The following SPON1 variants were observed in gnomAD, a reference collection of about 807,000 sequenced individuals.
SPON1 encodes spondin-1.
Under a neutral mutation model 111.7 loss-of-function variants are expected in SPON1, and 52 were observed. The ratio of observed to expected loss-of-function variants is 0.47; its 90% CI spans 0.37 to 0.59. SPON1 has a LOEUF of 0.59. SPON1 is among the 20% of genes least tolerant of loss of function. The pLI, the probability that SPON1 is intolerant of heterozygous loss-of-function variation, is 0.00. For missense variants in SPON1, 957 were observed against 1,068.5 expected (o/e 0.90, Z 1.46); for synonymous variants, 410 against 395.8 (o/e 1.04, Z -0.43).
At chr11:14,070,300 G>A (rs1848865235) in intron 3 of SPON1, among the ~76,000 whole-genome samples, 1 of 152,104 alleles carries the variant, frequency 6.6e-6, no homozygotes, top group East Asian at 1.9e-4. Flanking sequence ...GATTTTACTG[G>A]AATTGGGAAG....
At chr11:14,139,728 A>ATATATATATATATATATAT (rs1564913661) in intron 6 of SPON1, among the ~76,000 whole-genome samples, 1 of 151,118 alleles carries the variant, frequency 6.6e-6, no homozygotes, top group African/African-American at 2.4e-5. Context: ...ATATATATTT[A>ATATATATATATATATATAT]AGTGAAAAGA....
chr11:14,242,770 C>G (rs1554939814), intron 6 of SPON1, among the ~76,000 whole-genome samples: 1 of 152,208 alleles, frequency 6.6e-6, no homozygotes, highest in African/African-American at 2.4e-5. Flanking sequence ...CCATCCAAAG[C>G]AAAACAGAGC....
At chr11:14,008,009 CT>C (rs1333700095) in intron 2 of SPON1, among the ~76,000 whole-genome samples, 1 of 152,180 alleles carries the variant, frequency 6.6e-6, no homozygotes, top group Non-Finnish European at 1.5e-5. Flanking sequence ...TAAATCATAT[CT>C]TTTGCCATAT....
intron 2 of SPON1, among the ~76,000 whole-genome samples, chr11:13,983,623 C>T (rs1168205186): frequency 6.6e-6 from 1 of 152,180 alleles, no homozygotes; most frequent in East Asian, 1.9e-4. Context: ...GTGGAATATT[C>T]TTCCAAGGGA....
intron 6 of SPON1, among the ~76,000 whole-genome samples, chr11:14,214,774 A>G (rs902848410): frequency 6.6e-6 from 1 of 152,242 alleles, no homozygotes; most frequent in African/African-American, 2.4e-5. Context: ...TGGCAAATTT[A>G]TTAATGAAGT....
At chr11:14,187,079 T>C (rs1033888346) in intron 6 of SPON1, among the ~76,000 whole-genome samples, 1 of 152,102 alleles carries the variant, frequency 6.6e-6, no homozygotes, top group African/African-American at 2.4e-5. Flanking sequence ...CTCAGGAAGC[T>C]TTTACTCATG....
chr11:14,129,248 C>T (rs1196222009), intron 5 of SPON1, among the ~76,000 whole-genome samples: 5 of 152,110 alleles, frequency 3.3e-5, no homozygotes, highest in Admixed American at 3.3e-4. Context: ...AACATAAGTT[C>T]CAATTTCAGA....
intron 6 of SPON1, among the ~76,000 whole-genome samples, chr11:14,218,250 C>A (rs529892946): frequency 2.7e-4 from 41 of 152,256 alleles, no homozygotes; most frequent in African/African-American, 9.4e-4. Flanking sequence ...AAATATCATA[C>A]CTCCTTCTCC....
At chr11:14,104,842 A>G (rs995312115) in intron 5 of SPON1, among the ~76,000 whole-genome samples, 12 of 152,146 alleles carry the variant, frequency 7.9e-5, no homozygotes, top group African/African-American at 2.4e-4. Flanking sequence ...CTGAAAATTC[A>G]TGAACATCTT....
intron 5 of SPON1, among the ~76,000 whole-genome samples, chr11:14,123,140 C>T (rs1392780806): frequency 6.6e-6 from 1 of 151,950 alleles, no homozygotes; most frequent in Non-Finnish European, 1.5e-5. Flanking sequence ...ACTATGTTGC[C>T]CAGGTTGATC....
chr11:14,060,440 A>C (rs1848782882), intron 3 of SPON1, among the ~76,000 whole-genome samples: 1 of 152,220 alleles, frequency 6.6e-6, no homozygotes, highest in African/African-American at 2.4e-5. Flanking sequence ...ATCCTGGACT[A>C]CCTCTTAACA....
At position 14,257,712 on chromosome 11, in the gene SPON1, C is replaced by G; in HGVS notation, c.1310-4C>G. 6.2e-7 allele frequency: 1 copy of G among 1,604,806 alleles called. No individual in the cohort carries two copies. The highest frequency in any genetic ancestry group is 1.1e-5 in the South Asian group (1 of 89,820). On this transcript the variant is annotated splice_polypyrimidine_tract_variant and splice_region_variant and intron_variant, in intron 10 of 15. Coordinates refer to ENST00000576479, the MANE Select transcript of SPON1 (RefSeq NM_006108.4). ...AGGGAAAACATGTCAAACACTCTTTCCAGATGACACCCCTGAAACCTGCAT... is the reference window on the plus strand; with the variant it reads ...AGGGAAAACATGTCAAACACTCTTTGCAGATGACACCCCTGAAACCTGCAT...
chr11:14,174,784 C>T (rs1308865047), intron 6 of SPON1, among the ~76,000 whole-genome samples: 1 of 152,116 alleles, frequency 6.6e-6, no homozygotes, highest in Non-Finnish European at 1.5e-5. Flanking sequence ...ATATCTGTAG[C>T]TTGTTTATCC....
Position 14,131,218 on chromosome 11 carries a change from G to A in SPON1, c.677-4202G>A, listed in dbSNP as rs550452290. 5.1e-4 allele frequency among the ~76,000 whole-genome samples: 78 copies of A among 152,202 alleles called. No individual in the cohort carries two copies. In the Middle Eastern group the frequency reaches 0.014, roughly 27 times the overall value. Reference sequence around the variant, plus strand: ...CACAGTGGGATGTAGGGAGATGAACGTGTGTTCTGGAGTCAGGCAGACCTG... The same window carrying A: ...CACAGTGGGATGTAGGGAGATGAACATGTGTTCTGGAGTCAGGCAGACCTG... On this transcript the variant is annotated intron_variant, in intron 5 of 15. Coordinates refer to ENST00000576479, the MANE Select transcript of SPON1 (RefSeq NM_006108.4).
intron 5 of SPON1, among the ~76,000 whole-genome samples, chr11:14,082,186 GAA>G (rs5789822): frequency 3.9e-4 from 59 of 150,400 alleles, no homozygotes; most frequent in South Asian, 1.3e-3. Flanking sequence ...GGGAGGAGGT[GAA>G]AAAAAAAAAT....
At chr11:13,990,295 T>C (rs542629240) in intron 2 of SPON1, among the ~76,000 whole-genome samples, 27 of 151,282 alleles carry the variant, frequency 1.8e-4, no homozygotes, top group African/African-American at 6.0e-4. Flanking sequence ...TTTACCATTC[T>C]GTAATGCCCT....
chr11:14,191,084 T>C (rs528558579), intron 6 of SPON1, among the ~76,000 whole-genome samples: 1 of 152,234 alleles, frequency 6.6e-6, no homozygotes, highest in Non-Finnish European at 1.5e-5. Context: ...CTCAAGTCTT[T>C]TAGCCTTGAA....
chr11:14,260,621 A>AGTG lies in SPON1; in HGVS notation c.1867_1869dup (p.Trp623dup). 1 of 1,613,890 alleles carries AGTG rather than the reference A, an allele frequency of 6.2e-7. No individual in the cohort carries two copies. Among genetic ancestry groups the AGTG allele is most frequent in the African/African-American group, 1.3e-5 (1 of 75,028 alleles). ...CCATGCTTGCTGTCCCCATGGTCCG[A>AGTG]GTGGAGTGACTGCAGCGTGACCTGC... On this transcript the variant is annotated inframe_insertion, in exon 14 of 16. Transcript: ENST00000576479.
chr11:13,975,277 T>C (rs184936046), intron 1 of SPON1, among the ~76,000 whole-genome samples: 18 of 152,162 alleles, frequency 1.2e-4, no homozygotes, highest in Admixed American at 4.6e-4. Context: ...AAATGCTCAG[T>C]AAAGATAAAA....
Sources: gnomAD v4.1 joint callset for allele counts (sites outside exome capture counted in the v4.1 genomes callset) on GRCh38, gnomAD v4.1.1 for gene constraint, MANE v1.5 for transcripts, NCBI Gene and HGNC (gene_info 2026-07-23, HGNC 2026-07-21) for gene names.